GRM5: variants seen among roughly 807,000 people sequenced by gnomAD.
GRM5 encodes the protein glutamate metabotropic receptor 5.
In GRM5, 19 loss-of-function variants were observed where a neutral mutation model predicts 83.1. The observed-to-expected ratio is 0.23, with a 90% CI of 0.16 to 0.34. The LOEUF is 0.34. Ranked by LOEUF, GRM5 falls within the 10% of genes least tolerant of loss-of-function variation. The pLI, the probability that GRM5 is intolerant of heterozygous loss-of-function variation, is 1.00. For synonymous variants in GRM5, 675 were observed against 633.6 expected (o/e 1.07, Z -0.98); for missense variants, 1,160 against 1,588.3 (o/e 0.73, Z 4.58).
intron 3 of GRM5, among the ~76,000 whole-genome samples, chr11:88,829,229 G>A (rs1453530069): frequency 6.6e-6 from 1 of 152,190 alleles, no homozygotes; most frequent in Non-Finnish European, 1.5e-5. Context: ...GGGAGGACAA[G>A]GCAGGCAGAT....
At chr11:88,545,057 C>T (rs1213658341) in intron 8 of GRM5, among the ~76,000 whole-genome samples, 1 of 152,242 alleles carries the variant, frequency 6.6e-6, no homozygotes, top group Non-Finnish European at 1.5e-5. Context: ...CAACCAACAT[C>T]TGGTTTCCAT....
intron 7 of GRM5, among the ~76,000 whole-genome samples, chr11:88,575,189 C>G (rs948348413): frequency 3.9e-5 from 6 of 152,114 alleles, no homozygotes; most frequent in African/African-American, 1.2e-4. Context: ...CAGGAAGCTG[C>G]CATATTCCTC....
intron 8 of GRM5, among the ~76,000 whole-genome samples, chr11:88,560,526 A>C (rs982601483): frequency 5.3e-5 from 8 of 152,144 alleles, no homozygotes; most frequent in Admixed American, 3.3e-4. Flanking sequence ...TAAAAAGAAA[A>C]GTTGATTTTA....
chr11:88,584,520 G>T (rs369051774), intron 7 of GRM5, among the ~76,000 whole-genome samples: 1 of 152,164 alleles, frequency 6.6e-6, no homozygotes, highest in African/African-American at 2.4e-5. Context: ...TGCAACCTCT[G>T]CCTCCTAAGT....
intron 3 of GRM5, among the ~76,000 whole-genome samples, chr11:88,660,884 A>T (rs1939887723): frequency 6.6e-6 from 1 of 152,226 alleles, no homozygotes; most frequent in South Asian, 2.1e-4. Flanking sequence ...TTCATCAAGC[A>T]GACAGATTTA....
intron 4 of GRM5, among the ~76,000 whole-genome samples, chr11:88,624,821 A>G (rs571163919): frequency 3.0e-4 from 46 of 152,348 alleles, no homozygotes; most frequent in African/African-American, 9.6e-4. Context: ...ATACCTATTC[A>G]GGATTTTTAA....
intron 3 of GRM5, among the ~76,000 whole-genome samples, chr11:88,680,166 G>T (rs1034130678): frequency 2.0e-5 from 3 of 152,052 alleles, no homozygotes; most frequent in Admixed American, 2.0e-4. Flanking sequence ...GTGCCATGTA[G>T]GTGTGCTGCA....
chr11:88,939,801 A>C (rs1938026344), intron 2 of GRM5, among the ~76,000 whole-genome samples: 2 of 151,932 alleles, frequency 1.3e-5, no homozygotes, highest in African/African-American at 4.8e-5. Flanking sequence ...TGTCTAAAAA[A>C]AACTTCTATT....
chr11:88,612,426 A>G (rs1483383003), intron 4 of GRM5, among the ~76,000 whole-genome samples: 2 of 151,852 alleles, frequency 1.3e-5, no homozygotes, highest in Non-Finnish European at 2.9e-5. Context: ...CGCAATAAAC[A>G]TACATGTGCA....
intron 2 of GRM5, among the ~76,000 whole-genome samples, chr11:88,904,594 G>A (rs1945372763): frequency 6.6e-6 from 1 of 152,074 alleles, no homozygotes; most frequent in South Asian, 2.1e-4. Flanking sequence ...CTTTTTCGGT[G>A]GAATCCCAGG....
intron 3 of GRM5, among the ~76,000 whole-genome samples, chr11:88,676,675 G>A (rs578120296): frequency 5.3e-5 from 8 of 152,124 alleles, no homozygotes; most frequent in East Asian, 1.9e-4. Flanking sequence ...ATGAATAAGT[G>A]TATGAGACAC....
chr11:88,644,274 A>G (rs1565168418), intron 4 of GRM5, among the ~76,000 whole-genome samples: 1 of 152,182 alleles, frequency 6.6e-6, no homozygotes, highest in Admixed American at 6.6e-5. Context: ...AGTGACCCAG[A>G]GTCCCTGCAT....
At chr11:88,838,084 C>CAAAAAAAAAAAAAAAAAAAAAA (rs1157680177) in intron 3 of GRM5, among the ~76,000 whole-genome samples, 1 of 55,452 alleles carries the variant, frequency 1.8e-5, no homozygotes, top group African/African-American at 6.0e-5. Context: ...GACTCCATCT[C>CAAAAAAAAAAAAAAAAAAAAAA]AAAAAAAAAA....
intron 3 of GRM5, among the ~76,000 whole-genome samples, chr11:88,848,037 C>T (rs568768518): frequency 2.2e-4 from 34 of 152,250 alleles, no homozygotes; most frequent in African/African-American, 4.3e-4. Flanking sequence ...AGATAGGAAT[C>T]GTGGAATTCT....
intron 3 of GRM5, among the ~76,000 whole-genome samples, chr11:88,724,337 C>T (rs896089320): frequency 3.3e-5 from 5 of 152,124 alleles, no homozygotes; most frequent in East Asian, 1.9e-4. Context: ...AGGAGGCCGT[C>T]GGTCCCTGCC....
intron 2 of GRM5, among the ~76,000 whole-genome samples, chr11:88,897,957 G>A (rs1020948486): frequency 1.3e-4 from 19 of 151,918 alleles, no homozygotes; most frequent in Admixed American, 3.9e-4. Flanking sequence ...TTCCTTGGGC[G>A]CTATAACAAA....
At chr11:88,729,215 A>G (rs926443612) in intron 3 of GRM5, among the ~76,000 whole-genome samples, 2 of 152,192 alleles carry the variant, frequency 1.3e-5, no homozygotes, top group African/African-American at 4.8e-5. Flanking sequence ...ATTCACAAGC[A>G]TTCCTATACA....
chr11:88,670,379 T>A (rs1940160568), intron 3 of GRM5, among the ~76,000 whole-genome samples: 1 of 152,000 alleles, frequency 6.6e-6, no homozygotes, highest in Non-Finnish European at 1.5e-5. Flanking sequence ...AAAGTCAAAA[T>A]TGTTAAAAGT....
chr11:88,563,353 G>A (rs903474594), intron 8 of GRM5, among the ~76,000 whole-genome samples: 3 of 152,098 alleles, frequency 2.0e-5, no homozygotes, highest in African/African-American at 7.2e-5. Context: ...ACCTTTCCAG[G>A]AGCCTGTACA....
Sources: allele counts gnomAD v4.1 joint callset (sites outside exome capture counted in the v4.1 genomes callset), GRCh38; gene constraint gnomAD v4.1.1; transcripts MANE v1.5; gene names NCBI Gene and HGNC (gene_info 2026-07-23, HGNC 2026-07-21).